The following TBCE variants were observed in gnomAD, a reference collection of about 807,000 sequenced individuals.
TBCE encodes tubulin-specific chaperone E.
TBCE carries 53 observed loss-of-function variants against 77.0 expected under a neutral mutation model. The observed-to-expected ratio is 0.69, with a 90% confidence interval of 0.55 to 0.87. The LOEUF (loss-of-function observed/expected upper bound fraction) is 0.87. Among genes scored for constraint, TBCE ranks in the 40% least tolerant of loss-of-function variants. The probability of loss-of-function intolerance (pLI) is 0.00; values close to 1 mark genes in which losing one functional copy is unlikely to be tolerated. For synonymous variants in TBCE, 235 were observed against 241.3 expected, an observed-to-expected ratio of 0.97 and a Z score of 0.24; for missense variants, 624 against 622.4, an observed-to-expected ratio of 1.00 and a Z score of -0.03.
At chr1:235,447,873 C>T (rs1245752826) in intron 15 of TBCE, among the ~76,000 whole-genome samples, 3 of 151,962 alleles carry the variant, frequency 2.0e-5, no homozygotes. Context: ...GTACAAGACT[C>T]AGGCTTTCCC....
chr1:235,371,951 G>T (rs553963318), intron 1 of TBCE, among the ~76,000 whole-genome samples: 3 of 152,146 alleles, frequency 2.0e-5, no homozygotes, highest in African/African-American at 7.2e-5. Flanking sequence ...TGGGATTACA[G>T]GCATGAGCCA....
At chr1:235,428,601 C>G (rs1680879190) in intron 6 of TBCE, among the ~76,000 whole-genome samples, 1 of 150,946 alleles carries the variant, frequency 6.6e-6, no homozygotes, top group Non-Finnish European at 1.5e-5. Flanking sequence ...CTAACTTTAA[C>G]TTTAAGGACA....
At chr1:235,398,435 C>T (rs577738147) in intron 2 of TBCE, among the ~76,000 whole-genome samples, 1 of 151,780 alleles carries the variant, frequency 6.6e-6, no homozygotes, top group Non-Finnish European at 1.5e-5. Flanking sequence ...TGTGAGCCAC[C>T]GTGCCCGGGT....
At chr1:235,415,458 C>T (rs1680057642) in intron 4 of TBCE, 1 of 144,168 alleles carries the variant, frequency 6.9e-6, no homozygotes, top group Admixed American at 6.8e-5. Context: ...CTGGCCAGGC[C>T]TTGCAGCTTC....
At chr1:235,443,068 G>A in intron 15 of TBCE, 157 bp downstream of exon 15, 2 of 740,162 alleles carry the variant, frequency 2.7e-6, no homozygotes, top group Non-Finnish European at 4.6e-6. Flanking sequence ...AATCAATCAT[G>A]CTAATATCAC....
intron 14 of TBCE, 36 bp from the exon 15 acceptor site, chr1:235,442,816 G>C (rs1051735023): frequency 1.3e-6 from 2 of 1,592,902 alleles, no homozygotes; most frequent in African/African-American, 1.3e-5. Context: ...TATAATAGTA[G>C]ATATCAATTA....
chr1:235,399,837 A>G (rs535369153), intron 2 of TBCE, among the ~76,000 whole-genome samples: 1 of 152,244 alleles, frequency 6.6e-6, no homozygotes, highest in East Asian at 1.9e-4. Flanking sequence ...CACTATGTCC[A>G]GTCAGATAGT....
chr1:235,398,380 A>T (rs2102851500), intron 2 of TBCE, among the ~76,000 whole-genome samples: 1 of 152,046 alleles, frequency 6.6e-6, no homozygotes, highest in South Asian at 2.1e-4. Flanking sequence ...TCCTGACCTC[A>T]GGTGATCCAC....
chr1:235,437,600 C>T, intron 12 of TBCE, 126 bp downstream of exon 12: 1 of 1,146,396 alleles, frequency 8.7e-7, no homozygotes, highest in Non-Finnish European at 1.2e-6. Context: ...TCGCTGCAGT[C>T]CAGGAGTTTG....
intron 13 of TBCE, among the ~76,000 whole-genome samples, chr1:235,440,606 C>T (rs1034113092): frequency 6.6e-6 from 1 of 151,718 alleles, no homozygotes; most frequent in East Asian, 2.0e-4. Context: ...GTTGGCCAGG[C>T]TGGTCTCAAA....
At chr1:235,430,577 T>C in intron 6 of TBCE, 128 bp from the exon 7 acceptor site, 1 of 666,200 alleles carries the variant, frequency 1.5e-6, no homozygotes, top group South Asian at 1.8e-5. Flanking sequence ...TTTTAAAATA[T>C]AATTCCATTT....
chr1:235,416,126 G>A (rs1680093856), intron 4 of TBCE: 1 of 134,744 alleles, frequency 7.4e-6, no homozygotes, highest in Non-Finnish European at 1.5e-5. Context: ...CCGAGATCAT[G>A]CCGCTGCACT....
chr1:235,398,075 C>A (rs1403118865), intron 2 of TBCE, among the ~76,000 whole-genome samples: 1 of 151,618 alleles, frequency 6.6e-6, no homozygotes, highest in African/African-American at 2.4e-5. Context: ...TTTGTGCATT[C>A]TTCTTTGTAG....
chr1:235,403,627 C>T (rs1679251065), intron 3 of TBCE, among the ~76,000 whole-genome samples: 1 of 152,156 alleles, frequency 6.6e-6, no homozygotes, highest in African/African-American at 2.4e-5. Flanking sequence ...TTTTCAAAGT[C>T]TTGGTTGCTC....
Position 235,436,250 on chromosome 1 carries a change from C to CT in TBCE, c.834-133dup, listed in dbSNP as rs142985037. ...TTCACTTTGCATGTCCTAAGTTGGA[C>CT]TTTATGGTTTCTAAGTATTTTACAT... On this transcript the variant is annotated intron_variant, in intron 9 of 16. Transcript: ENST00000642610. 1.0e-3 allele frequency: 809 copies of CT among 774,578 alleles called. 4 individuals are homozygous for CT. In the African/African-American group the frequency reaches 0.013, roughly 12 times the overall value. 48.0% of individuals were successfully genotyped at this position (774,578 alleles called of 1,614,324 possible). A position where few individuals can be genotyped will look rare whatever the true frequency, so the allele number is the denominator to read the frequency against.
Position 235,448,818 on chromosome 1 carries a change from G to T in TBCE, c.*56G>T. On this transcript the variant is annotated 3_prime_UTR_variant, in exon 17 of 17. Transcript: ENST00000642610. ...TGCTTATCGTGTCTGGGGTTCACCG[G>T]AAATAAATGATTCACTGGAACAATT... The T allele has an allele frequency of 8.0e-7, 1 of 1,249,644 alleles. No homozygotes were observed. 77.4% of individuals were successfully genotyped at this position (1,249,644 alleles called of 1,614,324 possible).
chr1:235,406,624 C>T (rs575680763), intron 3 of TBCE, among the ~76,000 whole-genome samples: 23 of 152,202 alleles, frequency 1.5e-4, no homozygotes, highest in Middle Eastern at 3.4e-3. Context: ...CTCCGCCTCC[C>T]GGGTCCAAGC....
rs370623097 is a variant in TBCE, at chr1:235,442,838, T to G, written c.1340-14T>G. The G allele has an allele frequency of 6.2e-7, 1 of 1,613,480 alleles. No individual in the cohort carries two copies. Among genetic ancestry groups the G allele is most frequent in the East Asian group, 2.2e-5 (1 of 44,852 alleles). On this transcript the variant is annotated splice_polypyrimidine_tract_variant and intron_variant, in intron 14 of 16. Transcript: ENST00000642610. Reference sequence around the variant, plus strand: ...GTAGATATCAATTAGTCTTTTTCTTTGTTTCTCTTAAAGCACTGAAGATAA... The same window carrying G: ...GTAGATATCAATTAGTCTTTTTCTTGGTTTCTCTTAAAGCACTGAAGATAA...
Position 235,438,940 on chromosome 1 carries a change from G to A in TBCE, c.1270+18G>A, listed in dbSNP as rs1183883887. On this transcript the variant is annotated intron_variant, in intron 13 of 16. Transcript: ENST00000642610. The stretch of plus-strand genomic sequence containing the variant: ...CTGCCTGAGTACGTGCGTATACACT[G>A]GTGGCCTTCAGGTGGTGGATTTCCA... The A allele has an allele frequency of 6.2e-7, 1 of 1,614,126 alleles. No individual in the cohort carries two copies. Among genetic ancestry groups the A allele is most frequent in the Admixed American group, 1.7e-5 (1 of 60,012 alleles).
Sources: allele counts gnomAD v4.1 joint callset (sites outside exome capture counted in the v4.1 genomes callset), GRCh38; gene constraint gnomAD v4.1.1; transcripts MANE v1.5; gene names NCBI Gene and HGNC (gene_info 2026-07-23, HGNC 2026-07-21).